The following NRTN variants were observed in gnomAD, a reference collection of about 807,000 sequenced individuals.
NRTN encodes the protein neurturin, also known as prepro-neurturin.
A neutral mutation model predicts 7.5 loss-of-function variants in NRTN; 3 were observed. The ratio of observed to expected loss-of-function variants is 0.40; its 90% confidence interval spans 0.18 to 1.03. The LOEUF (loss-of-function observed/expected upper bound fraction) is 1.03. Ranked by LOEUF, NRTN falls within the 50% of genes least tolerant of loss-of-function variation. The pLI is 0.34. For missense variants in NRTN, 310 were observed against 307.0 expected, an observed-to-expected ratio of 1.01 and a Z score of -0.07; for synonymous variants, 157 against 146.6, an observed-to-expected ratio of 1.07 and a Z score of -0.51.
intron 1 of NRTN, among the ~76,000 whole-genome samples, chr19:5,821,232 C>G (rs182860284): frequency 6.6e-6 from 1 of 151,668 alleles, no homozygotes; most frequent in Non-Finnish European, 1.5e-5. Flanking sequence ...TCCATCCATC[C>G]GTTCACTCAG....
chr19:5,812,420 C>T (rs904305595), intron 1 of NRTN, among the ~76,000 whole-genome samples: 1 of 152,162 alleles, frequency 6.6e-6, no homozygotes, highest in Non-Finnish European at 1.5e-5. Context: ...AGAGGCTGGA[C>T]CTCTTTCTCC....
chr19:5,817,152 A>C (rs1231977190), intron 1 of NRTN, among the ~76,000 whole-genome samples: 2 of 152,030 alleles, frequency 1.3e-5, no homozygotes, highest in Non-Finnish European at 2.9e-5. Context: ...CCTGAGCAAC[A>C]CAGTGAAACC....
chr19:5,814,926 T>A (rs2057000376), intron 1 of NRTN, among the ~76,000 whole-genome samples: 1 of 152,182 alleles, frequency 6.6e-6, no homozygotes, highest in African/African-American at 2.4e-5. Context: ...TTCTACGTTT[T>A]CTCCAGGACT....
chr19:5,812,253 C>T (rs1244926438), intron 1 of NRTN, among the ~76,000 whole-genome samples: 1 of 152,090 alleles, frequency 6.6e-6, no homozygotes, highest in Non-Finnish European at 1.5e-5. Flanking sequence ...ACCACTATCC[C>T]TGACCATCCA....
chr19:5,826,150 A>G (rs1230080005), intron 2 of NRTN, among the ~76,000 whole-genome samples: 4 of 149,162 alleles, frequency 2.7e-5, no homozygotes, highest in Admixed American at 6.6e-5. Flanking sequence ...AAAAAAAAAG[A>G]TTATTCATTG....
intron 2 of NRTN, among the ~76,000 whole-genome samples, chr19:5,825,831 A>G (rs565370092): frequency 1.2e-4 from 19 of 152,216 alleles, no homozygotes; most frequent in Non-Finnish European, 2.6e-4. Context: ...AGGGACAGAC[A>G]TCCTAAAAGA....
At chr19:5,818,793 G>A (rs2057014126) in intron 1 of NRTN, among the ~76,000 whole-genome samples, 1 of 151,836 alleles carries the variant, frequency 6.6e-6, no homozygotes, top group African/African-American at 2.4e-5. Flanking sequence ...GTCCGTGCCA[G>A]AGACAAACCA....
intron 1 of NRTN, among the ~76,000 whole-genome samples, chr19:5,818,702 G>A (rs549793198): frequency 6.2e-4 from 95 of 152,030 alleles, no homozygotes; most frequent in African/African-American, 2.1e-3. Context: ...TAGGGCCTCC[G>A]GGACACAGGA....
intron 1 of NRTN, among the ~76,000 whole-genome samples, chr19:5,810,722 A>AG (rs2056987735): frequency 6.7e-6 from 1 of 150,360 alleles, no homozygotes; most frequent in South Asian, 2.1e-4. Context: ...TCACGAGGTC[A>AG]GATCAAGACC....
rs533449457 is a variant in NRTN, at chr19:5,806,300, G to A, written c.-399+849G>A. 5.9e-4 allele frequency among the ~76,000 whole-genome samples: 90 copies of A among 152,190 alleles called. No individual in the cohort carries two copies. Among genetic ancestry groups the A allele is most frequent in the African/African-American group, 2.1e-3 (87 of 41,536 alleles). On this transcript the variant is annotated intron_variant, in intron 1 of 2. Coordinates refer to ENST00000303212, the MANE Select transcript of NRTN (RefSeq NM_004558.5). This position sits in a 1 kb window ranked among gnomAD's most constrained non-coding sequence, Gnocchi z 5.4. ...ACTGTCCCCTCCCCAGAACGCATCC[G>A]ACCTGCCCACAGGCCTGTGATTACC...
intron 1 of NRTN, among the ~76,000 whole-genome samples, chr19:5,815,082 TCCCA>T (rs1437492877): frequency 2.0e-5 from 3 of 152,236 alleles, no homozygotes; most frequent in Admixed American, 2.0e-4. Context: ...CTCACTCTCC[TCCCA>T]CCGTGTCTGT....
At chr19:5,817,351 CAAAG>C (rs1479697245) in intron 1 of NRTN, among the ~76,000 whole-genome samples, 7 of 142,848 alleles carry the variant, frequency 4.9e-5, no homozygotes, top group African/African-American at 7.8e-5. Flanking sequence ...AAGATTCTAT[CAAAG>C]AAAGAGAGAG....
In NRTN at chr19:5,806,809, G is replaced by C. The variant is rs541076283; in HGVS notation, c.-399+1358G>C. Among the ~76,000 whole-genome samples, 1 of 152,364 alleles carries C rather than the reference G, an allele frequency of 6.6e-6. No homozygotes were observed. Among genetic ancestry groups the C allele is most frequent in the African/African-American group, 2.4e-5 (1 of 41,574 alleles). ...TGGCCCCTCGGCGTTTCAGGTCCCAGTTTTCAGGGAGCGAACAGAGGAGAC... is the reference window on the plus strand; with the variant it reads ...TGGCCCCTCGGCGTTTCAGGTCCCACTTTTCAGGGAGCGAACAGAGGAGAC... On this transcript the variant is annotated intron_variant, in intron 1 of 2. Transcript: ENST00000303212. This position sits in a 1 kb window ranked among gnomAD's most constrained non-coding sequence, Gnocchi z 5.4.
intron 2 of NRTN, among the ~76,000 whole-genome samples, chr19:5,826,232 C>T (rs969623578): frequency 6.6e-6 from 1 of 152,186 alleles, no homozygotes; most frequent in Non-Finnish European, 1.5e-5. Context: ...TGCTTCGATG[C>T]ACCCCTCTGG....
chr19:5,812,758 G>A (rs779363780), intron 1 of NRTN, among the ~76,000 whole-genome samples: 2 of 152,198 alleles, frequency 1.3e-5, no homozygotes, highest in African/African-American at 2.4e-5. Flanking sequence ...CCCCTCATGG[G>A]GCCTCAGTTT....
chr19:5,824,213 C>G lies in NRTN; in HGVS notation c.48C>G (p.Ser16=). The change falls in exon 2 of 3, where the codon TCC becomes TCG. Residue 16 remains serine, a synonymous_variant. Transcript: ENST00000303212. ...AAALASVLCS[S]VLSIWMCREG... ...CCTTGGCCTCAGTGCTCTGCAGCTC[C>G]GTGCTGTCCATCTGGATGTGTCGAG... 2 of 1,612,002 alleles carry G rather than the reference C, an allele frequency of 1.2e-6. No individual in the cohort carries two copies. The highest frequency in any genetic ancestry group is 1.7e-6 in the Non-Finnish European group (2 of 1,179,930).
chr19:5,806,116 CTT>C lies in NRTN; in HGVS notation c.-399+669_-399+670del, dbSNP rs1054709345. ...CGGGAGGCTGTGCCTGCCTTTCCTG[CTT>C]TTTATAAAAGGTGTCTCCTGCACGG... On this transcript the variant is annotated intron_variant, in intron 1 of 2. Transcript: ENST00000303212. The surrounding 1 kb of genome is among the most constrained non-coding windows in gnomAD (Gnocchi z 5.4). 6.6e-6 allele frequency among the ~76,000 whole-genome samples: 1 copy of C among 152,102 alleles called. No homozygotes were observed. The highest frequency in any genetic ancestry group is 1.5e-5 in the Non-Finnish European group (1 of 68,026).
intron 1 of NRTN, among the ~76,000 whole-genome samples, chr19:5,822,532 G>C (rs2057029045): frequency 6.6e-6 from 1 of 152,244 alleles, no homozygotes; most frequent in African/African-American, 2.4e-5. Context: ...ACTGTATGCA[G>C]TGAGGAGGAT....
chr19:5,821,920 C>G (rs1268863714), intron 1 of NRTN, among the ~76,000 whole-genome samples: 5 of 152,176 alleles, frequency 3.3e-5, no homozygotes, highest in Admixed American at 2.0e-4. Context: ...TGTGCTGTGT[C>G]AAAGAACCTG....
Sources: gnomAD v4.1 joint callset for allele counts (sites outside exome capture counted in the v4.1 genomes callset) on GRCh38, gnomAD v4.1.1 for gene constraint, Gnocchi (gnomAD v3.1) non-coding constraint, MANE v1.5 for transcripts, NCBI Gene and HGNC (gene_info 2026-07-23, HGNC 2026-07-21) for gene names.